Variants in HIP1 observed in about 807,000 individuals in gnomAD.
The protein encoded by HIP1 is huntingtin interacting protein 1, also known as huntingtin-interacting protein 1.
HIP1 carries 65 observed loss-of-function variants against 147.6 expected under a neutral mutation model. The observed-to-expected ratio is 0.44, with a 90% CI of 0.36 to 0.54. The LOEUF is 0.54. HIP1 is among the 20% of genes least tolerant of loss of function. The pLI is 0.00. For missense variants in HIP1, 1,061 were observed against 1,299.6 expected, an observed-to-expected ratio of 0.82 and a Z score of 2.82; for synonymous variants, 479 against 504.0, an observed-to-expected ratio of 0.95 and a Z score of 0.67.
rs375490464 is a variant in HIP1 at position 75,669,983 on chromosome 7, T to C, written c.120+68818A>G. Among the ~76,000 whole-genome samples, 4 of 152,070 alleles carry C rather than the reference T, an allele frequency of 2.6e-5. No homozygotes were observed. The East Asian group carries it at 7.7e-4, about 29-fold the overall frequency. On this transcript the variant is annotated intron_variant, in intron 1 of 30. Transcript: ENST00000336926. Reference sequence around the variant, plus strand: ...GCCCAGCTAATTTTTGTATGTTTAGTAGAGACGGGGTTTCGTCATGTTGGC... The same window carrying C: ...GCCCAGCTAATTTTTGTATGTTTAGCAGAGACGGGGTTTCGTCATGTTGGC...
chr7:75,678,340 C>CTTTTTTTT (rs782045169), intron 1 of HIP1, among the ~76,000 whole-genome samples: 15 of 86,312 alleles, frequency 1.7e-4, no homozygotes, highest in Admixed American at 2.9e-4. Context: ...TTCCTTTATT[C>CTTTTTTTT]TTTTTTTTTT....
At chr7:75,732,098 C>T (rs1554523104) in intron 1 of HIP1, among the ~76,000 whole-genome samples, 1 of 152,054 alleles carries the variant, frequency 6.6e-6, no homozygotes, top group Non-Finnish European at 1.5e-5. Context: ...AAAAAAAGGA[C>T]TTTGCCATTT....
Position 75,621,385 on chromosome 7 carries a change from T to C in HIP1, c.121-22138A>G, listed in dbSNP as rs147197919. ...GGCTCATGGTGAGGACTGACCTTTG[T>C]TCCACATAAGACTGGGGCCACTGGA... On this transcript the variant is annotated intron_variant, in intron 1 of 30. Transcript: ENST00000336926. 4.1e-3 allele frequency among the ~76,000 whole-genome samples: 625 copies of C among 152,246 alleles called. 8 individuals carry two copies. Among genetic ancestry groups the C allele is most frequent in the African/African-American group, 7.2e-3 (298 of 41,564 alleles).
chr7:75,670,414 C>A (rs945924451), intron 1 of HIP1, among the ~76,000 whole-genome samples: 24 of 152,156 alleles, frequency 1.6e-4, no homozygotes, highest in African/African-American at 5.8e-4. Context: ...CTGCCTCAGC[C>A]TCATAAAGTG....
At chr7:75,637,983 C>G (rs75537391) in intron 1 of HIP1, among the ~76,000 whole-genome samples, 85 of 41,046 alleles carry the variant, frequency 2.1e-3, no homozygotes, top group Non-Finnish European at 3.4e-3. Context: ...CCAGACCCCC[C>G]CCCCCCCCCC....
intron 1 of HIP1, among the ~76,000 whole-genome samples, chr7:75,600,662 A>G (rs1236885933): frequency 6.6e-6 from 1 of 152,160 alleles, no homozygotes; most frequent in Admixed American, 6.6e-5. Flanking sequence ...CAAAAATTAG[A>G]TTGTCATATA....
At chr7:75,589,179 A>C (rs999485523) in intron 4 of HIP1, among the ~76,000 whole-genome samples, 7 of 151,906 alleles carry the variant, frequency 4.6e-5, no homozygotes, top group African/African-American at 1.7e-4. Context: ...AAGAAGAAGA[A>C]GAAAAGAAAA....
At chr7:75,640,785 T>TAAA (rs1200741553) in intron 1 of HIP1, among the ~76,000 whole-genome samples, 4 of 135,756 alleles carry the variant, frequency 2.9e-5, no homozygotes, top group Non-Finnish European at 6.4e-5. Flanking sequence ...ATAATAATAA[T>TAAA]AAATAATGAA....
chr7:75,641,497 T>G (rs1170709213), intron 1 of HIP1, among the ~76,000 whole-genome samples: 8 of 151,972 alleles, frequency 5.3e-5, no homozygotes, highest in Admixed American at 1.3e-4. Context: ...TGTTTGCTTT[T>G]TTTTTTTCTT....
intron 9 of HIP1, among the ~76,000 whole-genome samples, chr7:75,567,809 T>C (rs1795465120): frequency 6.8e-6 from 1 of 146,764 alleles, no homozygotes; most frequent in Non-Finnish European, 1.5e-5. Flanking sequence ...CACAAGTATT[T>C]AAAAAAAATT....
At chr7:75,720,362 T>A (rs1801462402) in intron 1 of HIP1, among the ~76,000 whole-genome samples, 1 of 151,976 alleles carries the variant, frequency 6.6e-6, no homozygotes. Context: ...GGTTTCACCG[T>A]GTTGGTAAGG....
chr7:75,595,283 C>CCTTCCTTCCTTT, intron 2 of HIP1, among the ~76,000 whole-genome samples: 1 of 83,432 alleles, frequency 1.2e-5, no homozygotes, highest in South Asian at 3.9e-4. Flanking sequence ...TTCCTTCCTT[C>CCTTCCTTCCTTT]CTTTCTTTCT....
intron 1 of HIP1, among the ~76,000 whole-genome samples, chr7:75,649,536 G>A (rs1318816001): frequency 6.6e-6 from 1 of 152,052 alleles, no homozygotes; most frequent in East Asian, 1.9e-4. Flanking sequence ...GGTTGTTATT[G>A]CCAGCTGCGG....
intron 1 of HIP1, among the ~76,000 whole-genome samples, chr7:75,673,125 G>C (rs782030296): frequency 6.6e-6 from 1 of 151,450 alleles, no homozygotes; most frequent in Non-Finnish European, 1.5e-5. Flanking sequence ...GGGTTCAAGC[G>C]ATTCTCCTGC....
Position 75,533,609 on chromosome 7 carries a change from G to C in HIP1, c.*4563C>G, listed in dbSNP as rs1255783233. On this transcript the variant is annotated 3_prime_UTR_variant, in exon 31 of 31. Transcript: ENST00000336926. ...CACCAAGATGTAACCGAACCCCCTCGGTTTGTCCCTATGAGTGGTAATCAG... is the reference window on the plus strand; with the variant it reads ...CACCAAGATGTAACCGAACCCCCTCCGTTTGTCCCTATGAGTGGTAATCAG... 1 of 232,368 alleles carries C rather than the reference G, an allele frequency of 4.3e-6. No homozygotes were observed. The highest frequency in any genetic ancestry group is 6.1e-5 in the East Asian group (1 of 16,488). 14.4% of individuals were successfully genotyped at this position (232,368 alleles called of 1,614,324 possible). A position where few individuals can be genotyped will look rare whatever the true frequency, so the allele number is the denominator to read the frequency against.
At chr7:75,727,016 T>A (rs1801671497) in intron 1 of HIP1, among the ~76,000 whole-genome samples, 1 of 152,140 alleles carries the variant, frequency 6.6e-6, no homozygotes. Context: ...TCCTGATTGC[T>A]AATGAAGCTG....
At chr7:75,576,416 G>C (rs1554497707) in intron 7 of HIP1, among the ~76,000 whole-genome samples, 1 of 152,162 alleles carries the variant, frequency 6.6e-6, no homozygotes, top group African/African-American at 2.4e-5. Context: ...GGTGTCAAAA[G>C]TCTTCCCCTG....
chr7:75,632,528 C>T (rs1421526970), intron 1 of HIP1, among the ~76,000 whole-genome samples: 1 of 151,412 alleles, frequency 6.6e-6, no homozygotes, highest in Non-Finnish European at 1.5e-5. Context: ...GCTGAGATTA[C>T]AGGCGCACAC....
intron 1 of HIP1, among the ~76,000 whole-genome samples, chr7:75,678,592 C>A (rs181428918): frequency 2.6e-5 from 4 of 152,176 alleles, no homozygotes; most frequent in Non-Finnish European, 5.9e-5. Context: ...GATCCACCTG[C>A]CTCGGCCTCC....
Sources: allele counts gnomAD v4.1 joint callset (sites outside exome capture counted in the v4.1 genomes callset), GRCh38; gene constraint gnomAD v4.1.1; transcripts MANE v1.5; gene names NCBI Gene and HGNC (gene_info 2026-07-23, HGNC 2026-07-21).